NKAIN2: variants seen among roughly 807,000 people sequenced by gnomAD.
NKAIN2 encodes the protein sodium/potassium-transporting ATPase subunit beta-1-interacting protein 2.
A neutral mutation model predicts 32.6 loss-of-function variants in NKAIN2; 14 were observed. That is an observed-to-expected ratio of 0.43 (90% CI 0.28 to 0.67). The LOEUF is 0.67. Among genes scored for constraint, NKAIN2 ranks in the 30% least tolerant of loss-of-function variants. The pLI, the probability that NKAIN2 is intolerant of heterozygous loss-of-function variation, is 0.17. For missense variants in NKAIN2, 198 were observed against 258.3 expected, an observed-to-expected ratio of 0.77 and a Z score of 1.60; for synonymous variants, 80 against 87.2, an observed-to-expected ratio of 0.92 and a Z score of 0.46.
At chr6:124,702,197 C>T (rs4540279) in intron 4 of NKAIN2, among the ~76,000 whole-genome samples, 36,213 of 151,936 alleles carry the variant, frequency 0.24, 4,752 homozygotes, top group East Asian at 0.42. Flanking sequence ...ATTCCAACTC[C>T]ATTAGAATCC....
At chr6:124,451,059 G>A (rs1006243445) in intron 3 of NKAIN2, among the ~76,000 whole-genome samples, 1 of 152,022 alleles carries the variant, frequency 6.6e-6, no homozygotes, top group African/African-American at 2.4e-5. Flanking sequence ...TTAAAATAAT[G>A]GAACCTTTTA....
Position 124,386,327 on chromosome 6 carries a change from C to CA in NKAIN2, c.273+30986dup, listed in dbSNP as rs201153904. ...TATCATTCAATAGCTTTCCAGAAGG[C>CA]AAAAAACAAAATGCTTGAGCATCCC... On this transcript the variant is annotated intron_variant, in intron 3 of 6. Coordinates refer to ENST00000368417, the MANE Select transcript of NKAIN2 (RefSeq NM_001040214.3). 7.3e-3 allele frequency among the ~76,000 whole-genome samples: 1,115 copies of CA among 152,110 alleles called. 13 individuals are homozygous for CA. The highest frequency in any genetic ancestry group is 0.026 in the African/African-American group (1,071 of 41,512).
intron 1 of NKAIN2, among the ~76,000 whole-genome samples, chr6:124,203,009 T>G (rs1369310014): frequency 1.3e-5 from 2 of 151,944 alleles, no homozygotes; most frequent in Non-Finnish European, 2.9e-5. Flanking sequence ...ATTTTTGTCA[T>G]GTAGTATAGC....
chr6:124,121,826 A>G (rs1785897723), intron 1 of NKAIN2: 2 of 612,784 alleles, frequency 3.3e-6, no homozygotes, highest in South Asian at 2.6e-5. Context: ...GGTTGCCTTT[A>G]AATGGGTCAC....
chr6:124,425,671 T>C (rs1397280865), intron 3 of NKAIN2, among the ~76,000 whole-genome samples: 2 of 152,104 alleles, frequency 1.3e-5, no homozygotes, highest in Non-Finnish European at 2.9e-5. Flanking sequence ...AAAGAAGACG[T>C]ACCTACCAAT....
At chr6:124,000,384 G>C (rs1472798655) in intron 1 of NKAIN2, among the ~76,000 whole-genome samples, 1 of 151,916 alleles carries the variant, frequency 6.6e-6, no homozygotes, top group East Asian at 1.9e-4. Context: ...TATTTACCTT[G>C]GAAGCCACTA....
chr6:124,488,094 T>G (rs936259127), intron 3 of NKAIN2, among the ~76,000 whole-genome samples: 1 of 152,106 alleles, frequency 6.6e-6, no homozygotes, highest in Non-Finnish European at 1.5e-5. Context: ...GAGAAAAGTA[T>G]GACTAATGCA....
intron 4 of NKAIN2, among the ~76,000 whole-genome samples, chr6:124,694,539 G>A (rs191545782): frequency 6.6e-6 from 1 of 152,288 alleles, no homozygotes; most frequent in East Asian, 1.9e-4. Context: ...TCCCTAGAAA[G>A]CATTTCTTCA....
rs1187873527 is a variant in NKAIN2, at chr6:124,286,053, A to C, written c.192+2911A>C. The stretch of plus-strand genomic sequence containing the variant: ...ATAAAATAGCTTGACATAAAATATA[A>C]AATAATTTGATACAAAAATAAGAAA... On this transcript the variant is annotated intron_variant, in intron 2 of 6. Transcript: ENST00000368417. 2.0e-5 allele frequency among the ~76,000 whole-genome samples: 3 copies of C among 152,252 alleles called. No individual in the cohort carries two copies. In the East Asian group the frequency reaches 5.8e-4, roughly 29 times the overall value.
chr6:124,193,979 G>A (rs764465802), intron 1 of NKAIN2, among the ~76,000 whole-genome samples: 4 of 152,110 alleles, frequency 2.6e-5, no homozygotes, highest in African/African-American at 9.7e-5. Context: ...TCAGCAGAGA[G>A]AAGACCCTGG....
intron 3 of NKAIN2, among the ~76,000 whole-genome samples, chr6:124,441,024 T>C (rs532054040): frequency 5.3e-5 from 8 of 152,226 alleles, no homozygotes; most frequent in African/African-American, 1.9e-4. Flanking sequence ...CCTTTCTGGG[T>C]ATCACCTAAG....
intron 1 of NKAIN2, among the ~76,000 whole-genome samples, chr6:124,120,548 A>T (rs926870908): frequency 3.9e-5 from 6 of 152,168 alleles, no homozygotes; most frequent in Non-Finnish European, 8.8e-5. Context: ...GGTAGAGTGA[A>T]GCTAAATAAC....
chr6:124,647,798 C>A (rs1784233905), intron 3 of NKAIN2, among the ~76,000 whole-genome samples: 1 of 151,948 alleles, frequency 6.6e-6, no homozygotes, highest in Non-Finnish European at 1.5e-5. Context: ...CGTATTTAAC[C>A]AAGCAGTATA....
intron 3 of NKAIN2, among the ~76,000 whole-genome samples, chr6:124,506,017 CA>C (rs1195298723): frequency 6.6e-6 from 1 of 151,766 alleles, no homozygotes; most frequent in Non-Finnish European, 1.5e-5. Context: ...ACTAAAAATA[CA>C]AAAAATAAAA....
intron 1 of NKAIN2, among the ~76,000 whole-genome samples, chr6:124,214,646 AGCCAGGATCAT>A (rs1282796117): frequency 1.3e-5 from 2 of 152,284 alleles, no homozygotes; most frequent in African/African-American, 4.8e-5. Context: ...GATTGCCATG[AGCCAGGATCAT>A]GCCACTGCAT....
intron 2 of NKAIN2, among the ~76,000 whole-genome samples, chr6:124,301,968 G>A (rs183779829): frequency 6.6e-6 from 1 of 152,068 alleles, no homozygotes; most frequent in Non-Finnish European, 1.5e-5. Flanking sequence ...TTTTGGGAGG[G>A]GCTGGGGTGG....
At chr6:124,446,049 A>T (rs527258981) in intron 3 of NKAIN2, among the ~76,000 whole-genome samples, 1 of 152,230 alleles carries the variant, frequency 6.6e-6, no homozygotes, top group African/African-American at 2.4e-5. Context: ...TTGCAGAACA[A>T]CGGCAGAACA....
intron 3 of NKAIN2, among the ~76,000 whole-genome samples, chr6:124,647,973 A>G (rs1784240215): frequency 6.6e-6 from 1 of 152,230 alleles, no homozygotes. Flanking sequence ...AATACTTGTT[A>G]AGAATGGCAA....
chr6:123,924,531 T>C (rs1047086134), intron 1 of NKAIN2, among the ~76,000 whole-genome samples: 6 of 152,210 alleles, frequency 3.9e-5, no homozygotes, highest in African/African-American at 1.4e-4. Context: ...TAAGCTATTC[T>C]GTGGAATTTG....
Sources: allele counts gnomAD v4.1 joint callset (sites outside exome capture counted in the v4.1 genomes callset), GRCh38; gene constraint gnomAD v4.1.1; transcripts MANE v1.5; gene names NCBI Gene and HGNC (gene_info 2026-07-23, HGNC 2026-07-21).